The following GRM3 variants were observed in gnomAD, a reference collection of about 807,000 sequenced individuals.
The protein encoded by GRM3 is metabotropic glutamate receptor 3.
In GRM3, 26 loss-of-function variants were observed where a neutral mutation model predicts 70.5. That is an observed-to-expected ratio of 0.37 (90% confidence interval 0.27 to 0.51). The LOEUF (loss-of-function observed/expected upper bound fraction) is 0.51, where lower values mean the gene tolerates loss of function less well. Among genes scored for constraint, GRM3 ranks in the 20% least tolerant of loss-of-function variants. The pLI is 0.93. For missense variants in GRM3, 859 were observed against 1,123.8 expected (o/e 0.76, Z 3.37); for synonymous variants, 443 against 434.9 (o/e 1.02, Z -0.23).
intron 4 of GRM3, 110 bp from the exon 5 acceptor site, chr7:86,850,260 G>T: frequency 1.5e-6 from 1 of 689,142 alleles, no homozygotes; most frequent in South Asian, 1.7e-5. Flanking sequence ...TAAGGACAGA[G>T]CTGTCAATTA....
intron 3 of GRM3, among the ~76,000 whole-genome samples, chr7:86,826,864 G>A (rs1798246155): frequency 1.3e-5 from 2 of 152,036 alleles, no homozygotes; most frequent in South Asian, 4.1e-4. Flanking sequence ...CCGCCCCCTT[G>A]GCTACATAAT....
At chr7:86,733,367 G>T (rs1795783265) in intron 1 of GRM3, among the ~76,000 whole-genome samples, 1 of 151,916 alleles carries the variant, frequency 6.6e-6, no homozygotes, top group South Asian at 2.1e-4. Flanking sequence ...TAGACTACTG[G>T]ATTCCCATTG....
chr7:86,856,323 G>A (rs1159783045), intron 5 of GRM3, among the ~76,000 whole-genome samples: 2 of 151,998 alleles, frequency 1.3e-5, no homozygotes, highest in African/African-American at 4.8e-5. Context: ...GTGTGCAGCT[G>A]TAATCACAGC....
intron 4 of GRM3, among the ~76,000 whole-genome samples, chr7:86,850,033 A>G (rs747950429): frequency 1.3e-5 from 2 of 152,184 alleles, no homozygotes; most frequent in Non-Finnish European, 2.9e-5. Context: ...TCATCATTGA[A>G]TATGTTTTAC....
At chr7:86,850,581 A>T (rs773623328) in intron 5 of GRM3, 37 bp downstream of exon 5, 21 of 1,395,708 alleles carry the variant, frequency 1.5e-5, no homozygotes, top group Non-Finnish European at 2.1e-5. Context: ...CTTCATACAT[A>T]GCATTGTAGT....
At chr7:86,755,554 G>C (rs1382103030) in intron 1 of GRM3, among the ~76,000 whole-genome samples, 2 of 152,078 alleles carry the variant, frequency 1.3e-5, no homozygotes, top group Admixed American at 6.6e-5. Flanking sequence ...CAAAGGGCTT[G>C]GTAGGATTGG....
At chr7:86,677,132 C>A (rs1459234908) in intron 1 of GRM3, among the ~76,000 whole-genome samples, 1 of 151,942 alleles carries the variant, frequency 6.6e-6, no homozygotes, top group Non-Finnish European at 1.5e-5. Flanking sequence ...GCTTTATTAT[C>A]CCTGAGTCTT....
chr7:86,737,241 T>A (rs1244966188), intron 1 of GRM3, among the ~76,000 whole-genome samples: 2 of 152,214 alleles, frequency 1.3e-5, no homozygotes, highest in Non-Finnish European at 2.9e-5. Context: ...AAGTGCTTTC[T>A]AAGGGCCAAA....
chr7:86,839,199 G>A lies in GRM3; in HGVS notation c.1685G>A (p.Cys562Tyr). The change falls in exon 4 of 6, where the codon TGC becomes TAC. Residue 562 changes from cysteine to tyrosine, a missense_variant. By Grantham distance (194) the Cys-to-Tyr change is radical (BLOSUM62 -2). Transcript: ENST00000361669. This position sits in a 1 kb window ranked among gnomAD's most constrained non-coding sequence, Gnocchi z 4.5. ...TGGCCCACTGCAGACCTAACTGGAT[G>A]CTATGACCTTCCTGAGGACTACATC... ...GQWPTADLTGCYDLPEDYIRW... is the reference protein window; with the variant it reads ...GQWPTADLTGYYDLPEDYIRW... 2 of 1,613,820 alleles carry A rather than the reference G, an allele frequency of 1.2e-6. No homozygotes were observed. Among genetic ancestry groups the A allele is most frequent in the Non-Finnish European group, 1.7e-6 (2 of 1,179,666 alleles).
intron 1 of GRM3, among the ~76,000 whole-genome samples, chr7:86,711,546 C>T (rs1459081760): frequency 2.0e-5 from 3 of 152,050 alleles, no homozygotes; most frequent in South Asian, 2.1e-4. Flanking sequence ...CAACAATTAC[C>T]CTATTCGTGA....
chr7:86,807,755 T>A (rs1797826267), intron 3 of GRM3, among the ~76,000 whole-genome samples: 1 of 152,198 alleles, frequency 6.6e-6, no homozygotes. Context: ...CTCGCCTGAT[T>A]GCCCTGGCCA....
intron 3 of GRM3, among the ~76,000 whole-genome samples, chr7:86,797,187 G>A (rs928129418): frequency 1.3e-5 from 2 of 152,230 alleles, no homozygotes; most frequent in East Asian, 1.9e-4. Context: ...AGCGACTTTG[G>A]AACTGGGTAA....
At chr7:86,776,103 A>G (rs2116476117) in intron 2 of GRM3, 1 of 152,222 alleles carries the variant, frequency 6.6e-6, no homozygotes, top group East Asian at 1.9e-4. Flanking sequence ...TTGCTGAATG[A>G]GTGATGACAA....
chr7:86,678,436 G>A (rs890613508), intron 1 of GRM3, among the ~76,000 whole-genome samples: 3 of 151,954 alleles, frequency 2.0e-5, no homozygotes, highest in South Asian at 2.1e-4. Context: ...TTACGTTAAC[G>A]CCGCCTCTCT....
At chr7:86,684,177 C>T (rs1428580430) in intron 1 of GRM3, among the ~76,000 whole-genome samples, 1 of 152,086 alleles carries the variant, frequency 6.6e-6, no homozygotes, top group Non-Finnish European at 1.5e-5. Flanking sequence ...TATAGCCTTG[C>T]TCTTGGAGTC....
intron 4 of GRM3, among the ~76,000 whole-genome samples, chr7:86,849,881 T>C (rs889968189): frequency 2.0e-5 from 3 of 152,106 alleles, no homozygotes; most frequent in South Asian, 2.1e-4. Flanking sequence ...CAGTAGCTGA[T>C]AGGCAGAGCT....
intron 3 of GRM3, among the ~76,000 whole-genome samples, chr7:86,807,461 A>T (rs1199851202): frequency 6.8e-6 from 1 of 147,874 alleles, no homozygotes; most frequent in African/African-American, 2.6e-5. Context: ...GGTCCTTCAC[A>T]TCCCTTATAA....
At chr7:86,730,482 G>A (rs1235665574) in intron 1 of GRM3, among the ~76,000 whole-genome samples, 1 of 152,196 alleles carries the variant, frequency 6.6e-6, no homozygotes, top group East Asian at 1.9e-4. Context: ...AGTGTAAAGG[G>A]CTTCACTAGA....
intron 1 of GRM3, among the ~76,000 whole-genome samples, chr7:86,763,774 A>G (rs896605947): frequency 2.6e-5 from 4 of 152,120 alleles, no homozygotes; most frequent in African/African-American, 9.7e-5. Flanking sequence ...TTGCCCCATC[A>G]TCTATAGTTG....
Sources: gnomAD v4.1 joint callset for allele counts (sites outside exome capture counted in the v4.1 genomes callset) on GRCh38, gnomAD v4.1.1 for gene constraint, Gnocchi (gnomAD v3.1) non-coding constraint, MANE v1.5 for transcripts, NCBI Gene and HGNC (gene_info 2026-07-23, HGNC 2026-07-21) for gene names.